ZNF292: variants seen among roughly 807,000 people sequenced by gnomAD.
The protein encoded by ZNF292 is 16 zinc-finger domain protein.
Under a neutral mutation model 217.9 loss-of-function variants are expected in ZNF292, and 26 were observed. The observed-to-expected ratio is 0.12, with a 90% CI of 0.09 to 0.17. The LOEUF (loss-of-function observed/expected upper bound fraction) is 0.17. Ranked by LOEUF, ZNF292 falls within the 10% of genes least tolerant of loss-of-function variation. ZNF292 has a pLI of 1.00. For missense variants in ZNF292, 2,904 were observed against 3,175.2 expected (o/e 0.91, Z 2.05); for synonymous variants, 1,257 against 1,124.1 (o/e 1.12, Z -2.37).
rs192213362 is a variant in ZNF292 at position 87,265,760 on chromosome 6, A to G, written c.*3959A>G. 3.7e-4 allele frequency among the ~76,000 whole-genome samples: 57 copies of G among 152,306 alleles called. No homozygotes were observed. The East Asian group carries it at 4.6e-3, about 12-fold the overall frequency. The stretch of plus-strand genomic sequence containing the variant: ...GATAATCAACGTGTACACCAATTCA[A>G]TTGTATCAGCTGTTTGCAAATGGTG... On this transcript the variant is annotated 3_prime_UTR_variant, in exon 8 of 8. Coordinates refer to ENST00000369577, the MANE Select transcript of ZNF292 (RefSeq NM_015021.3).
chr6:87,219,138 C>T (rs1461227699), intron 4 of ZNF292, among the ~76,000 whole-genome samples: 2 of 152,088 alleles, frequency 1.3e-5, no homozygotes, highest in Non-Finnish European at 2.9e-5. Context: ...GATTAAAATG[C>T]TTTCTCAGTT....
chr6:87,197,612 C>T (rs1207330762), intron 1 of ZNF292, among the ~76,000 whole-genome samples: 1 of 150,148 alleles, frequency 6.7e-6, no homozygotes, highest in Non-Finnish European at 1.5e-5. Flanking sequence ...TGGCAGATGC[C>T]TGTAAGCCTA....
In ZNF292 at chr6:87,258,694, A is replaced by G; in HGVS notation, c.5065A>G (p.Lys1689Glu). 1.2e-6 allele frequency: 2 copies of G among 1,613,458 alleles called. No individual in the cohort carries two copies. The highest frequency in any genetic ancestry group is 1.7e-6 in the Non-Finnish European group (2 of 1,179,676). The change falls in exon 8 of 8, where the codon AAA becomes GAA. Residue 1689 changes from lysine (K) to glutamate (E), a missense_variant. Coordinates refer to ENST00000369577, the MANE Select transcript of ZNF292 (RefSeq NM_015021.3). ...PQSLVENLTQ[K>E]LNNVNNQLFM... ...GAGTTTGGTGGAAAATCTAACACAG[A>G]AATTAAATAATGTTAACAATCAGTT...
intron 1 of ZNF292, chr6:87,173,783 G>A (rs1395496001): frequency 6.5e-6 from 1 of 154,612 alleles, no homozygotes. Flanking sequence ...TATTTCAGTA[G>A]CATCTTAATC....
rs984297618 is a variant in ZNF292, at chr6:87,261,878, A to G, written c.*77A>G. Reference sequence around the variant, plus strand: ...CCATCAAGCATGCTAGAATTGTGAAACTTTCATTATATTTTTTTGTTGTTG... The same window carrying G: ...CCATCAAGCATGCTAGAATTGTGAAGCTTTCATTATATTTTTTTGTTGTTG... On this transcript the variant is annotated 3_prime_UTR_variant, in exon 8 of 8. Transcript: ENST00000369577. The G allele has an allele frequency of 9.6e-7, 1 of 1,041,772 alleles. No individual in the cohort carries two copies. The highest frequency in any genetic ancestry group is 1.3e-6 in the Non-Finnish European group (1 of 762,536). 64.5% of individuals were successfully genotyped at this position (1,041,772 alleles called of 1,614,324 possible).
At chr6:87,216,254 A>C (rs1772767862) in intron 2 of ZNF292, 45 bp from the exon 3 acceptor site, 1 of 1,495,498 alleles carries the variant, frequency 6.7e-7, no homozygotes, top group Non-Finnish European at 9.1e-7. Flanking sequence ...ATTTCCTTTG[A>C]ATTTTAATAA....
At chr6:87,241,869 G>GT (rs2127837839) in intron 5 of ZNF292, among the ~76,000 whole-genome samples, 1 of 152,320 alleles carries the variant, frequency 6.6e-6, no homozygotes, top group African/African-American at 2.4e-5. Flanking sequence ...TACACATTCA[G>GT]TAAGTTTCTG....
chr6:87,235,784 T>TTA (rs1773876629), intron 5 of ZNF292, among the ~76,000 whole-genome samples: 1 of 152,066 alleles, frequency 6.6e-6, no homozygotes, highest in African/African-American at 2.4e-5. Flanking sequence ...GCAGGTAGAA[T>TTA]TAAGACTTTT....
intron 1 of ZNF292, among the ~76,000 whole-genome samples, chr6:87,159,417 C>A (rs2127767837): frequency 6.6e-6 from 1 of 150,958 alleles, no homozygotes; most frequent in Non-Finnish European, 1.5e-5. Flanking sequence ...TGCTACATTG[C>A]CCAGGTATGA....
Position 87,216,014 on chromosome 6 carries a change from T to C in ZNF292, c.280T>C (p.Ser94Pro). Residue 94 changes from serine to proline, a missense_variant, in exon 2 of 8, where the codon TCT (serine) becomes CCT (proline). Ser to Pro is a moderately conservative substitution (Grantham distance 74, BLOSUM62 -1). This residue lies in a region of ZNF292 where 313 missense variants were observed against 451.0 expected (regional missense o/e 0.69). Coordinates refer to ENST00000369577, the MANE Select transcript of ZNF292 (RefSeq NM_015021.3). ...TGTTAAAGCCCGACCTTATCTTACC[T>C]CTGAATGTGAAAATGTAGCCTTGGT... The part of the protein sequence containing the change: ...SYVKARPYLT[S>P]ECENVALVLE... 1 of 1,580,140 alleles carries C rather than the reference T, an allele frequency of 6.3e-7. No homozygotes were observed. Among genetic ancestry groups the C allele is most frequent in the Non-Finnish European group, 8.6e-7 (1 of 1,169,270 alleles).
At chr6:87,216,271 C>T in intron 2 of ZNF292, 28 bp from the exon 3 acceptor site, 1 of 1,535,356 alleles carries the variant, frequency 6.5e-7, no homozygotes, top group East Asian at 2.4e-5. Context: ...ATAATTATTC[C>T]TCTCCTTACC....
intron 7 of ZNF292, among the ~76,000 whole-genome samples, chr6:87,254,224 A>T (rs553965558): frequency 7.9e-4 from 121 of 152,352 alleles, no homozygotes; most frequent in Middle Eastern, 3.4e-3. Context: ...AGGAAGTAAG[A>T]GTTACAATAA....
chr6:87,238,187 T>C (rs939319272), intron 5 of ZNF292, among the ~76,000 whole-genome samples: 9 of 152,220 alleles, frequency 5.9e-5, no homozygotes, highest in Non-Finnish European at 1.2e-4. Flanking sequence ...TTTATATTTT[T>C]AAATATTAAG....
At chr6:87,201,047 A>G (rs527916184) in intron 1 of ZNF292, among the ~76,000 whole-genome samples, 1 of 152,320 alleles carries the variant, frequency 6.6e-6, no homozygotes, top group East Asian at 1.9e-4. Context: ...ATTCTCCTGA[A>G]TTCTCACAAT....
intron 5 of ZNF292, among the ~76,000 whole-genome samples, chr6:87,239,394 G>C (rs1399521357): frequency 2.5e-4 from 37 of 149,042 alleles, no homozygotes; most frequent in Non-Finnish European, 4.2e-4. Context: ...CGGGCCGGGG[G>C]CTGGCCCCCA....
intron 1 of ZNF292, among the ~76,000 whole-genome samples, chr6:87,166,860 G>A (rs982565175): frequency 6.6e-6 from 1 of 152,142 alleles, no homozygotes; most frequent in African/African-American, 2.4e-5. Context: ...CTTTGATGTA[G>A]TAAGTTCTCC....
Position 87,186,643 on chromosome 6 carries a change from C to T in ZNF292, c.169-29260C>T, listed in dbSNP as rs544541573. Among the ~76,000 whole-genome samples, 390 of 152,226 alleles carry T rather than the reference C, an allele frequency of 2.6e-3. 2 individuals carry two copies. The highest frequency in any genetic ancestry group is 9.0e-3 in the African/African-American group (375 of 41,522). On this transcript the variant is annotated intron_variant, in intron 1 of 7. Transcript: ENST00000369577. ...CCTGTAATCCCAGCATTTTGGAAGACTGAGGTGAGAGGATCACTTGAGCCC... is the reference window on the plus strand; with the variant it reads ...CCTGTAATCCCAGCATTTTGGAAGATTGAGGTGAGAGGATCACTTGAGCCC...
intron 4 of ZNF292, among the ~76,000 whole-genome samples, chr6:87,226,671 A>G (rs1307904599): frequency 1.9e-5 from 2 of 106,408 alleles, no homozygotes; most frequent in African/African-American, 7.8e-5. Context: ...ATATATAGAT[A>G]TATAGATATA....
At chr6:87,232,121 G>A (rs931150873) in intron 4 of ZNF292, among the ~76,000 whole-genome samples, 2 of 152,106 alleles carry the variant, frequency 1.3e-5, no homozygotes, top group African/African-American at 4.8e-5. Flanking sequence ...AAAGAATAGA[G>A]GGTAGCAGGT....
Sources: gnomAD v4.1 joint callset for allele counts (sites outside exome capture counted in the v4.1 genomes callset) on GRCh38, gnomAD v4.1.1 for gene constraint, gnomAD v4.1.1 regional missense constraint, MANE v1.5 for transcripts, NCBI Gene and HGNC (gene_info 2026-07-23, HGNC 2026-07-21) for gene names.